The following SVEP1 variants were observed in gnomAD, a reference collection of about 807,000 sequenced individuals.
SVEP1 encodes the protein sushi, von Willebrand factor type A, EGF and pentraxin domain-containing protein 1.
Under a neutral mutation model 367.3 loss-of-function variants are expected in SVEP1, and 164 were observed. The ratio of observed to expected loss-of-function variants is 0.45; its 90% CI spans 0.39 to 0.51. The LOEUF (loss-of-function observed/expected upper bound fraction) is 0.51. SVEP1 is among the 20% of genes least tolerant of loss of function. The pLI is 0.00. For missense variants in SVEP1, 4,117 were observed against 4,425.3 expected (o/e 0.93, Z 1.98); for synonymous variants, 1,666 against 1,611.6 (o/e 1.03, Z -0.81).
At chr9:110,423,001 G>A (rs1449068698) in intron 36 of SVEP1, among the ~76,000 whole-genome samples, 5 of 130,010 alleles carry the variant, frequency 3.8e-5, no homozygotes, top group Non-Finnish European at 8.1e-5. Context: ...GGATAGCATT[G>A]GGAGATATAC....
At chr9:110,490,648 C>T (rs1050454316) in intron 8 of SVEP1, among the ~76,000 whole-genome samples, 51 of 151,980 alleles carry the variant, frequency 3.4e-4, no homozygotes, top group African/African-American at 1.2e-3. Flanking sequence ...ATTATTAAAC[C>T]CAATCATTAA....
intron 47 of SVEP1, among the ~76,000 whole-genome samples, chr9:110,367,794 G>A (rs569039861): frequency 6.6e-6 from 1 of 152,166 alleles, no homozygotes; most frequent in African/African-American, 2.4e-5. Flanking sequence ...AAGAAATTTT[G>A]TCCTGGCCAG....
chr9:110,461,584 T>C (rs1266335422), intron 18 of SVEP1, among the ~76,000 whole-genome samples: 1 of 151,756 alleles, frequency 6.6e-6, no homozygotes, highest in African/African-American at 2.4e-5. Flanking sequence ...AGCATCTTTT[T>C]TTAATTGATT....
Position 110,446,907 on chromosome 9 carries a change from A to T in SVEP1, c.4254T>A (p.Cys1418Ter). The change falls in exon 25 of 48, where the codon TGT becomes TGA. Residue 1418 changes from cysteine to a stop codon, truncating the protein, a stop_gained. Coordinates refer to ENST00000374469, the MANE Select transcript of SVEP1 (RefSeq NM_153366.4). LOFTEE classifies it high-confidence loss of function. The stretch of plus-strand genomic sequence containing the variant: ...CACTGAGTTGATACATACCTGTTTC[A>T]CACCTTTTGCCTGAAAATCCTGGCT... ...KCQPGFSGKR[C>*]ETEQSTGFNL... The T allele has an allele frequency of 6.5e-7, 1 of 1,534,792 alleles. No homozygotes were observed. Among genetic ancestry groups the T allele is most frequent in the Non-Finnish European group, 8.8e-7 (1 of 1,140,436 alleles).
chr9:110,480,798 A>AT (rs112560144), intron 12 of SVEP1, among the ~76,000 whole-genome samples: 58 of 146,126 alleles, frequency 4.0e-4, no homozygotes, highest in South Asian at 6.5e-4. Context: ...GGCCCAACTA[A>AT]TTTTTTTTTT....
At chr9:110,552,334 G>A (rs7853224) in intron 1 of SVEP1, among the ~76,000 whole-genome samples, 15,783 of 151,984 alleles carry the variant, frequency 0.1, 1,012 homozygotes, top group East Asian at 0.31. Flanking sequence ...CCTGCCACAT[G>A]AGCCACCACG....
At chr9:110,449,744 G>A (rs578105417) in intron 24 of SVEP1, among the ~76,000 whole-genome samples, 1 of 152,120 alleles carries the variant, frequency 6.6e-6, no homozygotes, top group Non-Finnish European at 1.5e-5. Context: ...TAGTACTACT[G>A]TATTTGCTTC....
chr9:110,501,090 T>C (rs1829521913), intron 6 of SVEP1, among the ~76,000 whole-genome samples: 1 of 147,842 alleles, frequency 6.8e-6, no homozygotes, highest in Non-Finnish European at 1.5e-5. Context: ...TACTATATAT[T>C]AATATAATTA....
At chr9:110,447,465 A>T (rs1383706786) in intron 24 of SVEP1, among the ~76,000 whole-genome samples, 1 of 152,244 alleles carries the variant, frequency 6.6e-6, no homozygotes, top group Non-Finnish European at 1.5e-5. Context: ...GCTCAGAAAG[A>T]TTAAAGAATT....
Position 110,406,490 on chromosome 9 carries a change from T to G in SVEP1, c.9110A>C (p.Lys3037Thr), listed in dbSNP as rs1187283536. ...AARIQCFKGF[K>T]LLGLSEITCE... Reference sequence around the variant, plus strand: ...GGTGATTTCAGAAAGTCCTAGGAGCTTGAAGCCTTTGAAGCACTGAATCCG... The same window carrying G: ...GGTGATTTCAGAAAGTCCTAGGAGCGTGAAGCCTTTGAAGCACTGAATCCG... The change falls in exon 38 of 48, where the codon AAG (lysine) becomes ACG (threonine). Residue 3037 changes from lysine to threonine, a missense_variant. Around this residue, in one of 4 missense-constraint regions of SVEP1, gnomAD observed 1,765 missense variants for 1,781.1 expected, o/e 0.99. Transcript: ENST00000374469. 6.2e-7 allele frequency: 1 copy of G among 1,613,854 alleles called. No individual in the cohort carries two copies. The highest frequency in any genetic ancestry group is 1.7e-5 in the Admixed American group (1 of 60,014).
intron 40 of SVEP1, among the ~76,000 whole-genome samples, chr9:110,390,081 GT>G: frequency 8.3e-6 from 1 of 120,968 alleles, no homozygotes; most frequent in East Asian, 2.1e-4. Context: ...ATATATACGT[GT>G]ATATATACAC....
intron 14 of SVEP1, among the ~76,000 whole-genome samples, chr9:110,473,022 T>G (rs1829044986): frequency 6.6e-6 from 1 of 152,202 alleles, no homozygotes; most frequent in South Asian, 2.1e-4. Context: ...GAGATGATTC[T>G]TACCTGATAG....
intron 17 of SVEP1, among the ~76,000 whole-genome samples, 190 bp from the exon 18 acceptor site, chr9:110,466,216 T>C (rs967897783): frequency 1.3e-5 from 2 of 152,182 alleles, no homozygotes; most frequent in African/African-American, 4.8e-5. Flanking sequence ...ATACTAAGTT[T>C]TAGACTGTTT....
rs746800604 is a variant in SVEP1, at chr9:110,413,541, T to TAATAA, written c.5976-1811_5976-1807dup. On this transcript the variant is annotated intron_variant, in intron 36 of 47. Coordinates refer to ENST00000374469, the MANE Select transcript of SVEP1 (RefSeq NM_153366.4). The stretch of plus-strand genomic sequence containing the variant: ...ATGTACCCTAAAACTTAAAGTATAA[T>TAATAA]AATAAAATAAAATAAAATAAAAGGT... 1.3e-4 allele frequency among the ~76,000 whole-genome samples: 19 copies of TAATAA among 151,904 alleles called. 1 individual carries two copies. The highest frequency in any genetic ancestry group is 1.9e-4 in the East Asian group (1 of 5,186).
chr9:110,459,193 A>G lies in SVEP1; in HGVS notation c.3323-80T>C. 8 of 1,311,424 alleles carry G rather than the reference A, an allele frequency of 6.1e-6. No individual in the cohort carries two copies. In the South Asian group the frequency reaches 8.2e-5, roughly 13 times the overall value. The allele number at this position is 1,311,424 out of a possible 1,614,324, so 81.2% of individuals were successfully genotyped here. A position where few individuals can be genotyped will look rare whatever the true frequency, so the allele number is the denominator to read the frequency against. On this transcript the variant is annotated intron_variant, in intron 18 of 47. Transcript: ENST00000374469. ...GAAAGAAGTGATTTAATCTGTGCAT[A>G]TAAGAAACCTACTGAATTATCTATA...
At position 110,456,990 on chromosome 9, in the gene SVEP1, T is replaced by C. The variant is rs79148706; in HGVS notation, c.3673+266A>G. 1.9e-4 allele frequency among the ~76,000 whole-genome samples: 29 copies of C among 152,296 alleles called. 1 individual carries two copies. In the South Asian group the frequency reaches 5.8e-3, roughly 30 times the overall value. ...AATGAAACTTTGAACATGACCCCTG[T>C]ATTTCAATTTAAATTGTGGGTTATG... is the stretch of plus-strand genomic sequence containing the variant. On this transcript the variant is annotated intron_variant, in intron 21 of 47. Coordinates refer to ENST00000374469, the MANE Select transcript of SVEP1 (RefSeq NM_153366.4).
chr9:110,546,314 G>A, intron 2 of SVEP1, 23 bp from the exon 3 acceptor site: 1 of 1,551,318 alleles, frequency 6.4e-7, no homozygotes, highest in Non-Finnish European at 8.7e-7. Context: ...TATGACAGAG[G>A]GCGATAAAAA....
At chr9:110,376,125 A>G (rs943182076) in intron 45 of SVEP1, among the ~76,000 whole-genome samples, 2 of 152,188 alleles carry the variant, frequency 1.3e-5, no homozygotes, top group Admixed American at 6.5e-5. Flanking sequence ...CCTAACCCCA[A>G]TAGTCTTTGC....
At chr9:110,559,505 T>G (rs1195840812) in intron 1 of SVEP1, among the ~76,000 whole-genome samples, 1 of 152,112 alleles carries the variant, frequency 6.6e-6, no homozygotes, top group Non-Finnish European at 1.5e-5. Context: ...AGCATAAGTT[T>G]AAAAATAGTA....
Sources: gnomAD v4.1 joint callset for allele counts (sites outside exome capture counted in the v4.1 genomes callset) on GRCh38, gnomAD v4.1.1 for gene constraint, gnomAD v4.1.1 regional missense constraint, MANE v1.5 for transcripts, NCBI Gene and HGNC (gene_info 2026-07-23, HGNC 2026-07-21) for gene names.